The following NOTCH2 variants were observed in gnomAD, a reference collection of about 807,000 sequenced individuals.
NOTCH2 encodes neurogenic locus notch homolog protein 2.
In NOTCH2, 29 loss-of-function variants were observed where a neutral mutation model predicts 235.8. That is an observed-to-expected ratio of 0.12 (90% CI 0.09 to 0.17). The LOEUF is 0.17. Ranked by LOEUF, NOTCH2 falls within the 10% of genes least tolerant of loss-of-function variation. NOTCH2 has a pLI of 1.00. For missense variants in NOTCH2, 2,285 were observed against 3,150.2 expected (o/e 0.73, Z 6.57); for synonymous variants, 1,086 against 1,141.5 (o/e 0.95, Z 0.98).
chr1:119,999,685 CA>C (rs1652631244), intron 3 of NOTCH2, among the ~76,000 whole-genome samples: 1 of 151,900 alleles, frequency 6.6e-6, no homozygotes, highest in Non-Finnish European at 1.5e-5. Context: ...AGTTTGAGAC[CA>C]GCCTGGCCAA....
Position 119,940,506 on chromosome 1 carries a change from T to TA in NOTCH2, c.3183+48dup, listed in dbSNP as rs1270073217. On this transcript the variant is annotated intron_variant, in intron 19 of 33. Transcript: ENST00000256646. ...CAGACTAGAAAGTGAACAGGTATAA[T>TA]ATTCAGCTGCTCTAGGGGAGCTGAG... The TA allele has an allele frequency of 2.0e-6, 3 of 1,511,638 alleles. No individual in the cohort carries two copies. The African/African-American group carries it at 4.1e-5, about 21-fold the overall frequency. 93.6% of individuals were successfully genotyped at this position (1,511,638 alleles called of 1,614,324 possible).
intron 1 of NOTCH2, among the ~76,000 whole-genome samples, chr1:120,037,845 A>G (rs2101355414): frequency 6.6e-6 from 1 of 152,112 alleles, no homozygotes; most frequent in African/African-American, 2.4e-5. Context: ...GGGTCATAGC[A>G]AATTATTACT....
chr1:120,023,322 G>A (rs1273743475), intron 2 of NOTCH2, among the ~76,000 whole-genome samples: 15 of 149,852 alleles, frequency 1.0e-4, no homozygotes, highest in Non-Finnish European at 1.5e-4. Flanking sequence ...TTGTAGTCCC[G>A]GCTACTTGAG....
chr1:119,985,953 C>T (rs782022320), intron 5 of NOTCH2, among the ~76,000 whole-genome samples: 1 of 152,156 alleles, frequency 6.6e-6, no homozygotes, highest in Non-Finnish European at 1.5e-5. Flanking sequence ...AATGTTTGGC[C>T]TCCCCAGTAA....
At position 119,972,823 on chromosome 1, in the gene NOTCH2, C is replaced by T. The variant is rs144380975; in HGVS notation, c.875-3079G>A. 9.4e-4 allele frequency among the ~76,000 whole-genome samples: 143 copies of T among 152,256 alleles called. 1 individual carries two copies. The highest frequency in any genetic ancestry group is 3.3e-3 in the African/African-American group (137 of 41,552). ...AGCTGCCTCACTCTAAAATTCTTAACAAAGACCTGAGGTGAGAACCTGAAC... is the reference window on the plus strand; with the variant it reads ...AGCTGCCTCACTCTAAAATTCTTAATAAAGACCTGAGGTGAGAACCTGAAC... On this transcript the variant is annotated intron_variant, in intron 5 of 33. Transcript: ENST00000256646.
intron 22 of NOTCH2, among the ~76,000 whole-genome samples, chr1:119,929,645 C>G (rs587646184): frequency 6.6e-6 from 1 of 152,264 alleles, no homozygotes; most frequent in African/African-American, 2.4e-5. Context: ...GCAGGCAGCA[C>G]ATACGACAGT....
rs1415180027 is a variant in NOTCH2 at position 119,913,058 on chromosome 1, G to C, written c.*2248C>G. 4.3e-6 allele frequency: 1 copy of C among 233,288 alleles called. No individual in the cohort carries two copies. Among genetic ancestry groups the C allele is most frequent in the East Asian group, 6.0e-5 (1 of 16,602 alleles). 14.5% of individuals were successfully genotyped at this position (233,288 alleles called of 1,614,324 possible). ...GGGCTGGAGCAGGAGGGCAGAAAGG[G>C]GCAGGTACGCTGTGGTCCACAGAGG... On this transcript the variant is annotated 3_prime_UTR_variant, in exon 34 of 34. Coordinates refer to ENST00000256646, the MANE Select transcript of NOTCH2 (RefSeq NM_024408.4).
In NOTCH2 at chr1:119,935,515, G is replaced by C; in HGVS notation, c.3612C>G (p.Asp1204Glu). 6.2e-7 allele frequency: 1 copy of C among 1,614,182 alleles called. No homozygotes were observed. Among genetic ancestry groups the C allele is most frequent in the Non-Finnish European group, 8.5e-7 (1 of 1,180,032 alleles). The change falls in exon 22 of 34, where the codon GAC becomes GAG. Residue 1204 changes from aspartate to glutamate, a missense_variant. Transcript: ENST00000256646. ...QPCQNGGTCI[D>E]LVNHFKCSCP... The stretch of plus-strand genomic sequence containing the variant: ...AAGAGCACTTGAAATGGTTCACAAG[G>C]TCAATACAGGTGCCTCCATTCTGGC...
chr1:120,014,990 GCT>G (rs1491540484), intron 2 of NOTCH2, among the ~76,000 whole-genome samples: 2 of 37,070 alleles, frequency 5.4e-5, no homozygotes, highest in Admixed American at 4.2e-4. Flanking sequence ...TCTGTCTTTA[GCT>G]TTTTTTTTTT....
chr1:120,001,497 C>T (rs1197293057), intron 3 of NOTCH2, among the ~76,000 whole-genome samples: 6 of 152,268 alleles, frequency 3.9e-5, no homozygotes, highest in Non-Finnish European at 8.8e-5. Context: ...CAAGATGGGC[C>T]GGTGGAAAGC....
At chr1:119,950,472 T>C (rs1553197589) in intron 15 of NOTCH2, 3 of 623,554 alleles carry the variant, frequency 4.8e-6, no homozygotes, top group Non-Finnish European at 8.9e-6. Flanking sequence ...TCCAGCCACA[T>C]ACAATTAAAA....
intron 5 of NOTCH2, among the ~76,000 whole-genome samples, chr1:119,976,124 C>T (rs903720694): frequency 6.6e-6 from 1 of 152,166 alleles, no homozygotes; most frequent in South Asian, 2.1e-4. Context: ...GCTTGGCTGG[C>T]CCTTGCACTG....
At chr1:119,960,730 A>G (rs1205510018) in intron 11 of NOTCH2, among the ~76,000 whole-genome samples, 2 of 151,980 alleles carry the variant, frequency 1.3e-5, no homozygotes, top group East Asian at 1.9e-4. Context: ...CTGGAGAGCA[A>G]TGACACGAGC....
At chr1:119,979,166 TAA>T (rs1651713575) in intron 5 of NOTCH2, among the ~76,000 whole-genome samples, 1 of 152,112 alleles carries the variant, frequency 6.6e-6, no homozygotes, top group Admixed American at 6.5e-5. Context: ...TGAAGAAATA[TAA>T]GTCAGTGTTA....
chr1:119,976,896 G>A (rs1203890857), intron 5 of NOTCH2, among the ~76,000 whole-genome samples: 2 of 151,952 alleles, frequency 1.3e-5, no homozygotes, highest in Non-Finnish European at 2.9e-5. Context: ...TTGTCTATAT[G>A]GAAAATGTTA....
chr1:119,978,009 T>C (rs1470469163), intron 5 of NOTCH2, among the ~76,000 whole-genome samples: 2 of 152,122 alleles, frequency 1.3e-5, no homozygotes, highest in East Asian at 1.9e-4. Context: ...CAAACAATGA[T>C]GACACAGAGT....
rs777359422 is a variant in NOTCH2, at chr1:119,926,648, A to C, written c.3893-37T>G. ...AAAAATAAAAAAGGTTTTAAAAGGC[A>C]GAAGTAGTCACTGCAAGTTACTCAA... On this transcript the variant is annotated intron_variant, in intron 23 of 33. Coordinates refer to ENST00000256646, the MANE Select transcript of NOTCH2 (RefSeq NM_024408.4). 36 of 1,521,428 alleles carry C rather than the reference A, an allele frequency of 2.4e-5. 1 individual carries two copies. In the Admixed American group the frequency reaches 7.0e-4, roughly 29 times the overall value. The allele number at this position is 1,521,428 out of a possible 1,614,324, so 94.2% of individuals were successfully genotyped here.
chr1:119,969,741 T>C lies in NOTCH2; in HGVS notation c.878A>G (p.Gln293Arg). 1 of 1,614,012 alleles carries C rather than the reference T, an allele frequency of 6.2e-7. No individual in the cohort carries two copies. Among genetic ancestry groups the C allele is most frequent in the Non-Finnish European group, 8.5e-7 (1 of 1,179,888 alleles). Reference protein sequence around the residue: ...NCRCPPQWTGQFCTEDVDECL... With the variant: ...NCRCPPQWTGRFCTEDVDECL... ...TTCATCCACATCCTCTGTGCAGAACTGTCCTTTTAGGGGGAAATTACTTTT... is the reference window on the plus strand; with the variant it reads ...TTCATCCACATCCTCTGTGCAGAACCGTCCTTTTAGGGGGAAATTACTTTT... The change falls in exon 6 of 34, where the codon CAG becomes CGG. Residue 293 changes from glutamine (Q) to arginine (R), a missense_variant. Transcript: ENST00000256646.
chr1:119,987,132 C>T (rs201447933), intron 4 of NOTCH2, 50 bp from the exon 5 acceptor site: 177 of 1,608,816 alleles, frequency 1.1e-4, no homozygotes, highest in Admixed American at 3.8e-4. Context: ...ACAGAAGAAA[C>T]GACCTGCTCT....
Sources: allele counts gnomAD v4.1 joint callset (sites outside exome capture counted in the v4.1 genomes callset), GRCh38; gene constraint gnomAD v4.1.1; transcripts MANE v1.5; gene names NCBI Gene and HGNC (gene_info 2026-07-23, HGNC 2026-07-21).